The following NRG3 variants were observed in gnomAD, a reference collection of about 807,000 sequenced individuals.
NRG3 encodes the protein neuregulin 3, also known as pro-neuregulin-3, membrane-bound isoform.
NRG3 carries 31 observed loss-of-function variants against 66.9 expected under a neutral mutation model. The observed-to-expected ratio is 0.46, with a 90% CI of 0.35 to 0.63. The LOEUF is 0.63. Among genes scored for constraint, NRG3 ranks in the 20% least tolerant of loss-of-function variants. The pLI is 0.00. For missense variants in NRG3, 910 were observed against 878.9 expected, an observed-to-expected ratio of 1.04 and a Z score of -0.45; for synonymous variants, 393 against 359.4, an observed-to-expected ratio of 1.09 and a Z score of -1.06.
intron 2 of NRG3, among the ~76,000 whole-genome samples, chr10:82,613,171 T>C (rs918179092): frequency 9.2e-5 from 14 of 152,176 alleles, no homozygotes. Flanking sequence ...TCTTGGGAGA[T>C]GGCAGTTCAA....
At chr10:82,505,754 G>A (rs138972552) in intron 2 of NRG3, among the ~76,000 whole-genome samples, 1 of 152,146 alleles carries the variant, frequency 6.6e-6, no homozygotes, top group South Asian at 2.1e-4. Context: ...CTTTGTCCGG[G>A]ATTCTTTTTC....
intron 1 of NRG3, among the ~76,000 whole-genome samples, chr10:82,310,896 A>G (rs946936780): frequency 6.6e-6 from 1 of 152,210 alleles, no homozygotes; most frequent in Non-Finnish European, 1.5e-5. Flanking sequence ...GACAAGTATG[A>G]GCACTGGAAA....
intron 4 of NRG3, among the ~76,000 whole-genome samples, chr10:82,950,878 G>T (rs1029415772): frequency 2.0e-5 from 3 of 152,320 alleles, no homozygotes; most frequent in East Asian, 1.9e-4. Flanking sequence ...GTATGACCTT[G>T]GTAATAGAGG....
chr10:82,188,703 TGCTCAAC>T lies in NRG3; in HGVS notation c.824-170035_824-170029del, dbSNP rs1180219122. On this transcript the variant is annotated intron_variant, in intron 1 of 8. Transcript: ENST00000372141. The stretch of plus-strand genomic sequence containing the variant: ...AATGGCAAACACCTATATGAAAAGG[TGCTCAAC>T]ATCATTGATCATCAAAGAAGTGCAC... 2.0e-5 allele frequency among the ~76,000 whole-genome samples: 3 copies of T among 152,162 alleles called. No individual in the cohort carries two copies. In the East Asian group the frequency reaches 5.8e-4, roughly 29 times the overall value.
intron 1 of NRG3, among the ~76,000 whole-genome samples, chr10:82,147,150 C>G (rs1002884349): frequency 6.6e-6 from 1 of 152,182 alleles, no homozygotes. Context: ...TACCAAGAGT[C>G]ACTTACAAAT....
At chr10:81,890,082 A>C (rs1842901584) in intron 1 of NRG3, among the ~76,000 whole-genome samples, 1 of 152,202 alleles carries the variant, frequency 6.6e-6, no homozygotes, top group Non-Finnish European at 1.5e-5. Context: ...TGACTAGATA[A>C]CACAAAAATG....
At chr10:82,686,763 G>A (rs552998355) in intron 2 of NRG3, among the ~76,000 whole-genome samples, 1 of 152,262 alleles carries the variant, frequency 6.6e-6, no homozygotes, top group African/African-American at 2.4e-5. Flanking sequence ...GTAGCCCTCC[G>A]TTTTGACTTA....
chr10:82,216,460 A>ATATATGTG (rs1554851844), intron 1 of NRG3, among the ~76,000 whole-genome samples: 6,271 of 146,320 alleles, frequency 0.043, 157 homozygotes, highest in Middle Eastern at 0.12. Flanking sequence ...TTTTATATAT[A>ATATATGTG]TGTGTGTGTG....
intron 2 of NRG3, among the ~76,000 whole-genome samples, chr10:82,519,545 A>G (rs1375306837): frequency 3.3e-5 from 5 of 152,070 alleles, no homozygotes; most frequent in East Asian, 1.9e-4. Flanking sequence ...CTTCATAGGA[A>G]CACTCCACCA....
chr10:82,003,988 AAC>A (rs746699197), intron 1 of NRG3, among the ~76,000 whole-genome samples: 12,658 of 134,176 alleles, frequency 0.094, 581 homozygotes, highest in East Asian at 0.24. Context: ...CCTGACTGAA[AAC>A]ACACACACAC....
chr10:82,803,089 AG>A (rs2061117923), intron 3 of NRG3, among the ~76,000 whole-genome samples: 1 of 152,190 alleles, frequency 6.6e-6, no homozygotes, highest in African/African-American at 2.4e-5. Flanking sequence ...AAACCGTCTG[AG>A]GCTATGTGAA....
chr10:81,943,327 G>T (rs1393698944), intron 1 of NRG3, among the ~76,000 whole-genome samples: 1 of 152,122 alleles, frequency 6.6e-6, no homozygotes, highest in African/African-American at 2.4e-5. Context: ...GCTGCAGTGG[G>T]CTGTGATCTT....
chr10:82,093,828 G>C (rs114092359), intron 1 of NRG3, among the ~76,000 whole-genome samples: 1 of 152,110 alleles, frequency 6.6e-6, no homozygotes, highest in Admixed American at 6.5e-5. Context: ...AGATAATTTG[G>C]GAGTGGAGAA....
At chr10:82,322,055 A>G (rs2081607070) in intron 1 of NRG3, among the ~76,000 whole-genome samples, 1 of 152,340 alleles carries the variant, frequency 6.6e-6, no homozygotes, top group East Asian at 1.9e-4. Context: ...TTTTATTAGT[A>G]TCTATTCTCC....
intron 2 of NRG3, among the ~76,000 whole-genome samples, chr10:82,375,698 A>T (rs1000910042): frequency 6.6e-6 from 1 of 152,144 alleles, no homozygotes; most frequent in African/African-American, 2.4e-5. Context: ...GGCTTTTCTG[A>T]TTCCTAGCAG....
At chr10:82,654,002 T>C (rs1399185009) in intron 2 of NRG3, among the ~76,000 whole-genome samples, 1 of 152,194 alleles carries the variant, frequency 6.6e-6, no homozygotes, top group Non-Finnish European at 1.5e-5. Flanking sequence ...CCAAAATTTG[T>C]AGCTGAAAAG....
intron 2 of NRG3, among the ~76,000 whole-genome samples, chr10:82,429,483 ATAGT>A (rs1307649872): frequency 6.6e-6 from 1 of 152,036 alleles, no homozygotes. Context: ...TTTCTAATGA[ATAGT>A]TAGCTGTTCA....
chr10:82,891,363 G>T (rs1290911113), intron 4 of NRG3, among the ~76,000 whole-genome samples: 1 of 151,698 alleles, frequency 6.6e-6, no homozygotes, highest in African/African-American at 2.4e-5. Context: ...TGAAAAATAA[G>T]AATGAAAATA....
Position 82,175,534 on chromosome 10 carries a change from T to C in NRG3, c.824-183205T>C, listed in dbSNP as rs547791110. Among the ~76,000 whole-genome samples the C allele has an allele frequency of 1.8e-4, 27 of 152,328 alleles. 1 individual carries two copies. The South Asian group carries it at 5.4e-3, about 30-fold the overall frequency. ...CCCTTTATCCAAATGCTTCATTTAC[T>C]GTTCTACCTGGGAAACTATGCTAGA... On this transcript the variant is annotated intron_variant, in intron 1 of 8. Coordinates refer to ENST00000372141, the MANE Select transcript of NRG3 (RefSeq NM_001010848.4).
Sources: gnomAD v4.1 joint callset for allele counts (sites outside exome capture counted in the v4.1 genomes callset) on GRCh38, gnomAD v4.1.1 for gene constraint, MANE v1.5 for transcripts, NCBI Gene and HGNC (gene_info 2026-07-23, HGNC 2026-07-21) for gene names.